The following ADAMTS13 variants were observed in gnomAD, a reference collection of about 807,000 sequenced individuals.
ADAMTS13 encodes ADAM metallopeptidase with thrombospondin type 1 motif 13, also known as A disintegrin and metalloproteinase with thrombospondin motifs 13.
In ADAMTS13, 110 loss-of-function variants were observed where a neutral mutation model predicts 155.1. The ratio of observed to expected loss-of-function variants is 0.71; its 90% confidence interval spans 0.61 to 0.83. The LOEUF (loss-of-function observed/expected upper bound fraction) is 0.83. Among genes scored for constraint, ADAMTS13 ranks in the 40% least tolerant of loss-of-function variants. ADAMTS13 has a pLI of 0.00. For synonymous variants in ADAMTS13, 758 were observed against 756.4 expected (o/e 1.00, Z -0.03); for missense variants, 1,707 against 1,891.7 (o/e 0.90, Z 1.81).
intron 2 of ADAMTS13, among the ~76,000 whole-genome samples, chr9:133,423,967 C>T (rs1554784330): frequency 6.6e-6 from 1 of 152,264 alleles, no homozygotes; most frequent in Non-Finnish European, 1.5e-5. Context: ...CACTGGGCTC[C>T]ACTCGTGTTC....
chr9:133,448,488 G>A (rs587627962), intron 21 of ADAMTS13, 111 bp from the exon 22 acceptor site: 4 of 1,441,196 alleles, frequency 2.8e-6, no homozygotes, highest in Admixed American at 1.7e-5. Flanking sequence ...TGGCAGAGCC[G>A]GGATTGAAAC....
chr9:133,430,695 A>C (rs3118669), intron 8 of ADAMTS13, among the ~76,000 whole-genome samples: 9 of 44,948 alleles, frequency 2.0e-4, no homozygotes, highest in African/African-American at 5.1e-4. Flanking sequence ...TTTTTTTCCT[A>C]TTTTTTTTTT....
In ADAMTS13 at chr9:133,456,665, G is replaced by C; in HGVS notation, c.3670G>C (p.Gly1224Arg). 1.3e-6 allele frequency: 2 copies of C among 1,598,882 alleles called. No individual in the cohort carries two copies. Among genetic ancestry groups the C allele is most frequent in the Non-Finnish European group, 8.5e-7 (1 of 1,172,678 alleles). ...GAGGCAGCGCTGCGGGCGGCCAGGA[G>C]GTGGGGTGCTGCTGCGGTATGGGAG... ...VVRQRCGRPG[G>R]GVLLRYGSQL... is the part of the protein sequence containing the mutation. Residue 1224 changes from glycine to arginine, a missense_variant, in exon 27 of 29, where the codon GGT (glycine) becomes CGT (arginine). Coordinates refer to ENST00000355699, the MANE Select transcript of ADAMTS13 (RefSeq NM_139027.6). This position sits in a 1 kb window ranked among gnomAD's most constrained non-coding sequence, Gnocchi z 4.4.
chr9:133,424,828 C>T lies in ADAMTS13; in HGVS notation c.330+350C>T, dbSNP rs780797944. On this transcript the variant is annotated intron_variant, in intron 3 of 28. Coordinates refer to ENST00000355699, the MANE Select transcript of ADAMTS13 (RefSeq NM_139027.6). This position sits in a 1 kb window ranked among gnomAD's most constrained non-coding sequence, Gnocchi z 4.3. ...GCTGCTCACACTGCCCTCTGCACCC[C>T]GACCCTGCCCTCTCTCCATTCTCTT... 3.2e-4 allele frequency among the ~76,000 whole-genome samples: 49 copies of T among 152,214 alleles called. No individual in the cohort carries two copies. The highest frequency in any genetic ancestry group is 5.7e-4 in the Non-Finnish European group (39 of 68,036).
chr9:133,434,158 G>T (rs1030054834), intron 11 of ADAMTS13, among the ~76,000 whole-genome samples: 2 of 151,856 alleles, frequency 1.3e-5, no homozygotes, highest in African/African-American at 4.8e-5. Context: ...CATAAACCAG[G>T]CCAGTCCTGC....
intron 22 of ADAMTS13, 117 bp from the exon 23 acceptor site, chr9:133,449,666 C>A: frequency 8.2e-7 from 1 of 1,216,950 alleles, no homozygotes; most frequent in Non-Finnish European, 1.2e-6. Context: ...AGAACCTCTC[C>A]GGGCCCTTCC....
Position 133,433,716 on chromosome 9 carries a change from T to A in ADAMTS13, c.1308+12T>A, listed in dbSNP as rs181185438. ...TGTGCAACACTCAGGTAGGCCTGCT[T>A]CCTGGGGTAGGAGGGGGCAGCTGGT... On this transcript the variant is annotated intron_variant, in intron 11 of 28. Transcript: ENST00000355699. The A allele has an allele frequency of 5.0e-6, 8 of 1,612,534 alleles. No individual in the cohort carries two copies. In the Admixed American group the frequency reaches 6.7e-5, roughly 13 times the overall value.
chr9:133,446,489 T>C (rs782637377), intron 21 of ADAMTS13, among the ~76,000 whole-genome samples: 5 of 152,258 alleles, frequency 3.3e-5, no homozygotes, highest in Admixed American at 1.3e-4. Context: ...AGTTCATCCA[T>C]GTTGTAGCAT....
At position 133,448,640 on chromosome 9, in the gene ADAMTS13, A is replaced by G. The variant is rs782263547; in HGVS notation, c.2773A>G (p.Arg925Gly). The G allele has an allele frequency of 6.2e-7, 1 of 1,609,922 alleles. No individual in the cohort carries two copies. Among genetic ancestry groups the G allele is most frequent in the Non-Finnish European group, 8.5e-7 (1 of 1,179,954 alleles). Residue 925 changes from arginine to glycine, a missense_variant, in exon 22 of 29, where the codon AGG (arginine) becomes GGG (glycine). Physicochemically the swap from Arg to Gly is moderately radical, Grantham distance 125 (BLOSUM62 -2). Transcript: ENST00000355699. Reference sequence around the variant, plus strand: ...TTTCCTGTGCATGGACTCTGCCCTCAGGGTGCCTGTCCAGGAAGAGCTGTG... The same window carrying G: ...TTTCCTGTGCATGGACTCTGCCCTCGGGGTGCCTGTCCAGGAAGAGCTGTG... ...LRFLCMDSAL[R>G]VPVQEELCGL...
intron 1 of ADAMTS13, 91 bp downstream of exon 1, chr9:133,422,639 A>C: frequency 7.6e-7 from 1 of 1,308,442 alleles, no homozygotes; most frequent in Non-Finnish European, 1.1e-6. Context: ...CAAATAGCTG[A>C]CTACATCAGC....
chr9:133,416,357 A>T (rs1327690421), intron 1 of ADAMTS13, among the ~76,000 whole-genome samples: 1 of 152,190 alleles, frequency 6.6e-6, no homozygotes, highest in Non-Finnish European at 1.5e-5. Context: ...ACTGGGGATC[A>T]CATTTCTTTT....
chr9:133,425,386 C>T lies in ADAMTS13; in HGVS notation c.331-143C>T. Reference sequence around the variant, plus strand: ...TGACTGTGCAGCACATTTTAGGAGCCCCCCGCCCCGCCCGGTTCCCACACA... The same window carrying T: ...TGACTGTGCAGCACATTTTAGGAGCTCCCCGCCCCGCCCGGTTCCCACACA... On this transcript the variant is annotated intron_variant, in intron 3 of 28. Coordinates refer to ENST00000355699, the MANE Select transcript of ADAMTS13 (RefSeq NM_139027.6). The surrounding 1 kb of genome is among the most constrained non-coding windows in gnomAD (Gnocchi z 4.6). 1 of 676,514 alleles carries T rather than the reference C, an allele frequency of 1.5e-6. No individual in the cohort carries two copies. The highest frequency in any genetic ancestry group is 2.6e-6 in the Non-Finnish European group (1 of 392,004). The allele number at this position is 676,514 out of a possible 1,614,324, so 41.9% of individuals were successfully genotyped here.
In ADAMTS13 at chr9:133,448,633, T is replaced by C; in HGVS notation, c.2766T>C (p.Ser922=). 1 of 1,610,300 alleles carries C rather than the reference T, an allele frequency of 6.2e-7. No homozygotes were observed. Among genetic ancestry groups the C allele is most frequent in the African/African-American group, 1.3e-5 (1 of 75,062 alleles). ...AGCTGCGTTTCCTGTGCATGGACTC[T>C]GCCCTCAGGGTGCCTGTCCAGGAAG... ...LMELRFLCMD[S]ALRVPVQEEL... is the part of the protein sequence containing the mutation. Residue 922 remains serine, a synonymous_variant, in exon 22 of 29, where the codon TCT becomes TCC. Coordinates refer to ENST00000355699, the MANE Select transcript of ADAMTS13 (RefSeq NM_139027.6).
intron 21 of ADAMTS13, among the ~76,000 whole-genome samples, chr9:133,448,300 C>T (rs913577518): frequency 1.3e-5 from 2 of 152,196 alleles, no homozygotes; most frequent in African/African-American, 4.8e-5. Context: ...CTTATAATGC[C>T]TCTCGGTCAA....
chr9:133,453,926 C>T (rs893732550), intron 23 of ADAMTS13, among the ~76,000 whole-genome samples: 6 of 152,098 alleles, frequency 3.9e-5, no homozygotes, highest in Non-Finnish European at 4.4e-5. Context: ...ATCCCAGCTC[C>T]CTTGCAGGCT....
Position 133,454,297 on chromosome 9 carries a change from T to C in ADAMTS13, c.3045-118T>C, listed in dbSNP as rs1842611087. On this transcript the variant is annotated intron_variant, in intron 23 of 28. Transcript: ENST00000355699. ...CAGTGGCTGCACTTTCCATCTTGCC[T>C]GGCCACGGAAGCTGTCTAGGCAACT... 9.5e-6 allele frequency: 12 copies of C among 1,264,738 alleles called. No individual in the cohort carries two copies. In the East Asian group the frequency reaches 2.9e-4, roughly 30 times the overall value. The allele number at this position is 1,264,738 out of a possible 1,614,324, so 78.3% of individuals were successfully genotyped here.
At chr9:133,416,639 G>C (rs587748151) in intron 1 of ADAMTS13, among the ~76,000 whole-genome samples, 1 of 152,356 alleles carries the variant, frequency 6.6e-6, no homozygotes, top group East Asian at 1.9e-4. Context: ...GTCTAGGAGA[G>C]AGCAGGCAAC....
intron 2 of ADAMTS13, 26 bp downstream of exon 2, chr9:133,423,193 C>G (rs200927561): frequency 1.6e-5 from 25 of 1,608,452 alleles, no homozygotes; most frequent in Non-Finnish European, 2.1e-5. Flanking sequence ...TCTTCTCTCC[C>G]GGGGGGAGTT....
In ADAMTS13 at chr9:133,446,086, G is replaced by A. The variant is rs587746726; in HGVS notation, c.2731+267G>A. 2.6e-5 allele frequency among the ~76,000 whole-genome samples: 4 copies of A among 152,258 alleles called. No individual in the cohort carries two copies. The South Asian group carries it at 6.2e-4, about 24-fold the overall frequency. ...TCCTTATGGTCCTAGCAGAGCGGCC[G>A]GGGGGTCCCCAATTGATGACCCGAG... On this transcript the variant is annotated intron_variant, in intron 21 of 28. Transcript: ENST00000355699.
Sources: allele counts gnomAD v4.1 joint callset (sites outside exome capture counted in the v4.1 genomes callset), GRCh38; gene constraint gnomAD v4.1.1; non-coding constraint Gnocchi (gnomAD v3.1); transcripts MANE v1.5; gene names NCBI Gene and HGNC (gene_info 2026-07-23, HGNC 2026-07-21).